KPNA7: variants seen among roughly 807,000 people sequenced by gnomAD.
The protein encoded by KPNA7 is importin subunit alpha-8.
Under a neutral mutation model 53.7 loss-of-function variants are expected in KPNA7, and 54 were observed. The ratio of observed to expected loss-of-function variants is 1.01; its 90% CI spans 0.81 to 1.26. The LOEUF (loss-of-function observed/expected upper bound fraction) is 1.26, where lower values mean the gene tolerates loss of function less well. KPNA7 is among the 50% of genes most tolerant of loss of function. KPNA7 has a pLI of 0.00. For missense variants in KPNA7, 640 were observed against 644.5 expected, an observed-to-expected ratio of 0.99 and a Z score of 0.07; for synonymous variants, 276 against 259.3, an observed-to-expected ratio of 1.06 and a Z score of -0.62.
In KPNA7 at chr7:99,182,081, G is replaced by A; in HGVS notation, c.1135-16C>T. ...TAAATTCTCCCTGCAGAACAAGAATGTTTCCATTCTCTACAGATCCTCAAG... is the reference window on the plus strand; with the variant it reads ...TAAATTCTCCCTGCAGAACAAGAATATTTCCATTCTCTACAGATCCTCAAG... On this transcript the variant is annotated splice_polypyrimidine_tract_variant and intron_variant, in intron 8 of 10. Transcript: ENST00000327442. 6.6e-7 allele frequency: 1 copy of A among 1,515,304 alleles called. No individual in the cohort carries two copies. Among genetic ancestry groups the A allele is most frequent in the Middle Eastern group, 1.7e-4 (1 of 5,854 alleles). The allele number at this position is 1,515,304 out of a possible 1,614,324, so 93.9% of individuals were successfully genotyped here. A position where few individuals can be genotyped will look rare whatever the true frequency, so the allele number is the denominator to read the frequency against.
At position 99,173,759 on chromosome 7, in the gene KPNA7, G is replaced by A. The variant is rs1584253995; in HGVS notation, c.1500C>T (p.Val500=). The part of the protein sequence containing the change: ...EDESQTLLSQ[V]IDQDYEFIDY... The stretch of plus-strand genomic sequence containing the variant: ...CTATAAATTCATAATCTTGGTCTAT[G>A]ACTTGGCTCAGTAAAGTTTGGCTCT... The change falls in exon 11 of 11, where the codon GTC becomes GTT. Residue 500 remains valine, a synonymous_variant. Coordinates refer to ENST00000327442, the MANE Select transcript of KPNA7 (RefSeq NM_001145715.3). 2 of 1,551,688 alleles carry A rather than the reference G, an allele frequency of 1.3e-6. No individual in the cohort carries two copies. The highest frequency in any genetic ancestry group is 1.7e-6 in the Non-Finnish European group (2 of 1,146,752).
upstream of KPNA7, among the ~76,000 whole-genome samples, chr7:99,212,904 A>G (rs867346667): frequency 4.6e-5 from 7 of 152,026 alleles, no homozygotes; most frequent in African/African-American, 1.7e-4. Context: ...AAAGAAAAAA[A>G]GAAAAGAAAA....
chr7:99,189,748 A>G (rs1789837546), intron 6 of KPNA7, among the ~76,000 whole-genome samples: 1 of 151,660 alleles, frequency 6.6e-6, no homozygotes, highest in Non-Finnish European at 1.5e-5. Context: ...CTGCCTCCTG[A>G]GTAGCTGTGG....
intron 10 of KPNA7, among the ~76,000 whole-genome samples, chr7:99,176,135 A>C (rs1487105711): frequency 6.6e-6 from 1 of 151,730 alleles, no homozygotes; most frequent in Admixed American, 6.6e-5. Context: ...CGTCTCTACT[A>C]AAAGTACAAA....
At chr7:99,170,422 T>C (rs1002362770), downstream of KPNA7, among the ~76,000 whole-genome samples, 1 of 150,914 alleles carries the variant, frequency 6.6e-6, no homozygotes, top group African/African-American at 2.4e-5. Context: ...AAAATAAAGA[T>C]GGAAAATAGA....
At position 99,176,690 on chromosome 7, in the gene KPNA7, C is replaced by T. The variant is rs2150697040; in HGVS notation, c.1464+1230G>A. ...AGGAGTTTTAGACCAACCTAGGCAACATGGTGAAACCCCATCTCTACAAAA... is the reference window on the plus strand; with the variant it reads ...AGGAGTTTTAGACCAACCTAGGCAATATGGTGAAACCCCATCTCTACAAAA... On this transcript the variant is annotated intron_variant, in intron 10 of 10. Transcript: ENST00000327442. 2.0e-5 allele frequency among the ~76,000 whole-genome samples: 3 copies of T among 152,064 alleles called. 1 individual carries two copies. The South Asian group carries it at 6.2e-4, about 32-fold the overall frequency.
intron 9 of KPNA7, among the ~76,000 whole-genome samples, chr7:99,180,682 T>C (rs1261088369): frequency 6.9e-6 from 1 of 145,926 alleles, no homozygotes; most frequent in Non-Finnish European, 1.5e-5. Flanking sequence ...TGTGTCTCTC[T>C]CCCCGTCTGT....
intron 2 of KPNA7, among the ~76,000 whole-genome samples, chr7:99,205,563 T>A (rs12666377): frequency 0.47 from 71,825 of 151,734 alleles, 20,860 homozygotes; most frequent in East Asian, 0.67. Flanking sequence ...GATACAGAGA[T>A]GGGGGGCTGG....
At chr7:99,199,702 T>A (rs1313610350) in intron 3 of KPNA7, among the ~76,000 whole-genome samples, 1 of 152,164 alleles carries the variant, frequency 6.6e-6, no homozygotes, top group Non-Finnish European at 1.5e-5. Flanking sequence ...TTAGATATGA[T>A]ACCTAAAACA....
intron 6 of KPNA7, among the ~76,000 whole-genome samples, chr7:99,191,161 T>G (rs1395296102): frequency 2.1e-3 from 1 of 484 alleles, no homozygotes; most frequent in Non-Finnish European, 0.033. Context: ...TGCTATACAA[T>G]TTTTTTTTTT....
At chr7:99,195,362 G>A (rs547366594) in intron 4 of KPNA7, 24 bp from the exon 5 acceptor site, 11 of 1,546,920 alleles carry the variant, frequency 7.1e-6, no homozygotes, top group Non-Finnish European at 7.9e-6. Flanking sequence ...GAGAGGGCAG[G>A]GGAGGGGGAG....
At chr7:99,178,399 T>A (rs1488775837) in intron 9 of KPNA7, among the ~76,000 whole-genome samples, 1 of 151,912 alleles carries the variant, frequency 6.6e-6, no homozygotes, top group Non-Finnish European at 1.5e-5. Context: ...TGAAACCTCG[T>A]CTCTACTAAA....
rs116748700 is a variant in KPNA7 at position 99,202,015 on chromosome 7, C to G, written c.201+1091G>C. Among the ~76,000 whole-genome samples the G allele has an allele frequency of 6.2e-3, 941 of 152,074 alleles. 8 individuals are homozygous for G. Among genetic ancestry groups the G allele is most frequent in the African/African-American group, 0.021 (891 of 41,514 alleles). On this transcript the variant is annotated intron_variant, in intron 3 of 10. Transcript: ENST00000327442. ...GAACCACTGTGCTTGGCCTTTTTTC[C>G]CTTTTGTTTTATACCATCCTTGGAT...
At chr7:99,167,628 T>C in the KPNA7 span, among the ~76,000 whole-genome samples, 1 of 123,050 alleles carries the variant, frequency 8.1e-6, no homozygotes. Context: ...TTTTTTTTTT[T>C]TTTTTTTTTT....
At chr7:99,198,940 T>C (rs539521452) in intron 3 of KPNA7, among the ~76,000 whole-genome samples, 133 of 151,994 alleles carry the variant, frequency 8.8e-4, no homozygotes, top group African/African-American at 3.1e-3. Flanking sequence ...AAAAATTAAT[T>C]GTATCTTTAC....
the KPNA7 span, among the ~76,000 whole-genome samples, chr7:99,167,220 GCCTTT>G: frequency 6.6e-6 from 1 of 152,172 alleles, no homozygotes; most frequent in South Asian, 2.1e-4. Flanking sequence ...TGCCTGGGAT[GCCTTT>G]CCCGGAGATC....
At chr7:99,205,286 G>A (rs985129727) in intron 2 of KPNA7, among the ~76,000 whole-genome samples, 2 of 146,606 alleles carry the variant, frequency 1.4e-5, no homozygotes, top group African/African-American at 5.0e-5. Flanking sequence ...AATTAGCCGG[G>A]CATGGTGGTA....
At chr7:99,215,391 A>G (rs1057285083) in intron 1 of KPNA7, among the ~76,000 whole-genome samples, 6 of 150,818 alleles carry the variant, frequency 4.0e-5, no homozygotes, top group Admixed American at 2.0e-4. Context: ...AAAAAAAAAA[A>G]AAAAAGGCAT....
the KPNA7 span, among the ~76,000 whole-genome samples, chr7:99,153,536 C>T: frequency 6.3e-5 from 9 of 142,252 alleles, 1 homozygote; most frequent in East Asian, 1.8e-3. Context: ...GGTGACAGAG[C>T]GAGACACTGT....
Sources: gnomAD v4.1 joint callset for allele counts (sites outside exome capture counted in the v4.1 genomes callset) on GRCh38, gnomAD v4.1.1 for gene constraint, MANE v1.5 for transcripts, NCBI Gene and HGNC (gene_info 2026-07-23, HGNC 2026-07-21) for gene names.